The following COL14A1 variants were observed in gnomAD, a reference collection of about 807,000 sequenced individuals.
COL14A1 encodes the protein collagen type XIV alpha 1 chain, also known as collagen alpha-1(XIV) chain.
A neutral mutation model predicts 230.3 loss-of-function variants in COL14A1; 136 were observed. That is an observed-to-expected ratio of 0.59 (90% CI 0.51 to 0.68). The LOEUF (loss-of-function observed/expected upper bound fraction) is 0.68, where lower values mean the gene tolerates loss of function less well. Ranked by LOEUF, COL14A1 falls within the 30% of genes least tolerant of loss-of-function variation. COL14A1 has a pLI of 0.00. For synonymous variants in COL14A1, 792 were observed against 784.1 expected, an observed-to-expected ratio of 1.01 and a Z score of -0.17; for missense variants, 1,976 against 2,215.8, an observed-to-expected ratio of 0.89 and a Z score of 2.17.
intron 45 of COL14A1, among the ~76,000 whole-genome samples, chr8:120,354,942 A>G (rs971462779): frequency 2.0e-5 from 3 of 152,154 alleles, no homozygotes; most frequent in Non-Finnish European, 4.4e-5. Flanking sequence ...ATGGGATGCT[A>G]GTTGGTTACC....
At chr8:120,234,672 T>C (rs6469903) in intron 19 of COL14A1, among the ~76,000 whole-genome samples, 89,064 of 151,650 alleles carry the variant, frequency 0.59, 27,556 homozygotes, top group East Asian at 0.79. Flanking sequence ...CCGCCTTGAT[T>C]GTGGTGGATA....
chr8:120,313,945 C>T lies in COL14A1; in HGVS notation c.4469C>T (p.Pro1490Leu), dbSNP rs140122186. Residue 1490 changes from proline (P) to leucine (L), a missense_variant, in exon 38 of 48, where the codon CCT (proline) becomes CTT (leucine). Physicochemically the swap from Pro to Leu is moderately conservative, Grantham distance 98 (BLOSUM62 -3). Around this residue, in one of 3 missense-constraint regions of COL14A1, gnomAD observed 1,791 missense variants for 2,019.5 expected, o/e 0.89. Transcript: ENST00000297848. ...GEPGPKGPDG[P>L]RGEIGLPGPQ... is the part of the protein sequence containing the mutation. The stretch of plus-strand genomic sequence containing the variant: ...CTTGCCTTCCAGGGACCAGATGGCC[C>T]TCGGGGTGAAATTGGTCTGCCAGGA... 55 of 1,611,752 alleles carry T rather than the reference C, an allele frequency of 3.4e-5. No individual in the cohort carries two copies. Among genetic ancestry groups the T allele is most frequent in the Non-Finnish European group, 4.4e-5 (52 of 1,178,978 alleles).
intron 1 of COL14A1, among the ~76,000 whole-genome samples, chr8:120,127,087 C>G (rs888741047): frequency 1.3e-5 from 2 of 152,302 alleles, no homozygotes; most frequent in Admixed American, 1.3e-4. Context: ...CAGTACCTCC[C>G]CATTTCTCCC....
rs1488421759 is a variant in COL14A1, at chr8:120,315,580, T to A, written c.4599T>A (p.Gly1533=). The A allele has an allele frequency of 1.9e-6, 3 of 1,613,110 alleles. No individual in the cohort carries two copies. The highest frequency in any genetic ancestry group is 2.5e-6 in the Non-Finnish European group (3 of 1,179,388). The change falls in exon 39 of 48, where the codon GGT becomes GGA. Residue 1533 remains glycine, a synonymous_variant. Coordinates refer to ENST00000297848, the MANE Select transcript of COL14A1 (RefSeq NM_021110.4). ...AGAAAGGAGATACTGGCCTTCCAGG[T>A]CCACAGGTATTATTTTTGTTTTTTA... The part of the protein sequence containing the change: ...KGEKGDTGLP[G]PQGIPGGVGS...
intron 19 of COL14A1, chr8:120,231,970 A>G (rs112409415): frequency 6.2e-6 from 1 of 162,514 alleles, no homozygotes; most frequent in Non-Finnish European, 1.3e-5. Context: ...TAAAAGTTTA[A>G]TATAGAAAAT....
chr8:120,341,369 C>T lies in COL14A1; in HGVS notation c.4821+9C>T, dbSNP rs1424128903. ...GGGAACGAGGAGAGCGGGTAAGTAT[C>T]CTGTGGCTCTGCTTTCTGGCCCCAG... On this transcript the variant is annotated intron_variant, in intron 43 of 47. Coordinates refer to ENST00000297848, the MANE Select transcript of COL14A1 (RefSeq NM_021110.4). 1 of 1,613,942 alleles carries T rather than the reference C, an allele frequency of 6.2e-7. No homozygotes were observed. The highest frequency in any genetic ancestry group is 2.2e-5 in the East Asian group (1 of 44,872).
At chr8:120,303,935 T>C (rs193008786) in intron 36 of COL14A1, among the ~76,000 whole-genome samples, 5 of 152,314 alleles carry the variant, frequency 3.3e-5, no homozygotes, top group Non-Finnish European at 5.9e-5. Context: ...ATTGGTCTGT[T>C]CAGGGAATCA....
chr8:120,298,249 G>A (rs945089034), intron 35 of COL14A1, among the ~76,000 whole-genome samples: 3 of 151,808 alleles, frequency 2.0e-5, no homozygotes, highest in Non-Finnish European at 4.4e-5. Context: ...ACTACCTTGA[G>A]CCTGTCATTC....
At chr8:120,315,632 T>G in intron 39 of COL14A1, 46 bp downstream of exon 39, 5 of 1,503,510 alleles carry the variant, frequency 3.3e-6, no homozygotes, top group Non-Finnish European at 4.6e-6. Flanking sequence ...TCTACAACTT[T>G]GCCAAGGGGG....
chr8:120,261,597 C>A lies in COL14A1; in HGVS notation c.2870-1271C>A, dbSNP rs1460232150. Reference sequence around the variant, plus strand: ...AGCAATTTTTCTATGGATGTGGGAACAAAGAAACGAGCCAATAGTTAGTCA... The same window carrying A: ...AGCAATTTTTCTATGGATGTGGGAAAAAAGAAACGAGCCAATAGTTAGTCA... On this transcript the variant is annotated intron_variant, in intron 23 of 47. Transcript: ENST00000297848. Among the ~76,000 whole-genome samples, 3 of 152,186 alleles carry A rather than the reference C, an allele frequency of 2.0e-5. No individual in the cohort carries two copies. The East Asian group carries it at 5.8e-4, about 29-fold the overall frequency.
chr8:120,139,539 C>T (rs768317938), intron 1 of COL14A1, among the ~76,000 whole-genome samples: 7 of 152,180 alleles, frequency 4.6e-5, no homozygotes, highest in Non-Finnish European at 8.8e-5. Flanking sequence ...AGTCCCACAA[C>T]CTTAATGTGA....
intron 5 of COL14A1, among the ~76,000 whole-genome samples, chr8:120,173,547 G>A (rs538018005): frequency 8.4e-5 from 8 of 94,884 alleles, no homozygotes; most frequent in African/African-American, 2.3e-4. Context: ...TCATTCTCTT[G>A]CTCTCTAGCA....
chr8:120,357,084 A>G (rs2130349406), intron 45 of COL14A1, among the ~76,000 whole-genome samples: 1 of 152,354 alleles, frequency 6.6e-6, no homozygotes, highest in African/African-American at 2.4e-5. Flanking sequence ...CTGTGTAACA[A>G]ATTACTTTAA....
chr8:120,141,285 A>G (rs890020209), intron 1 of COL14A1, among the ~76,000 whole-genome samples: 4 of 152,186 alleles, frequency 2.6e-5, no homozygotes, highest in Non-Finnish European at 5.9e-5. Context: ...GCTCATTCCT[A>G]TAATCCCAGT....
intron 40 of COL14A1, among the ~76,000 whole-genome samples, chr8:120,331,602 A>T (rs1362218743): frequency 2.6e-5 from 4 of 152,210 alleles, no homozygotes; most frequent in Non-Finnish European, 4.4e-5. Flanking sequence ...ACACGTGCTC[A>T]TTTGTAAGCC....
intron 22 of COL14A1, among the ~76,000 whole-genome samples, chr8:120,252,446 A>G (rs1489201746): frequency 6.6e-6 from 1 of 152,212 alleles, no homozygotes; most frequent in Non-Finnish European, 1.5e-5. Context: ...ACCAAAATAC[A>G]AGTGGTTTGG....
At chr8:120,332,798 A>C in intron 42 of COL14A1, 63 bp downstream of exon 42, 1 of 1,315,108 alleles carries the variant, frequency 7.6e-7, no homozygotes, top group Non-Finnish European at 1.1e-6. Flanking sequence ...TTATGTGTTT[A>C]AATTTACCAG....
intron 5 of COL14A1, among the ~76,000 whole-genome samples, chr8:120,168,733 A>G (rs1815998898): frequency 6.6e-6 from 1 of 152,206 alleles, no homozygotes; most frequent in South Asian, 2.1e-4. Context: ...TGATATGTGT[A>G]AAATACTTAG....
chr8:120,321,931 G>A (rs1342933580), intron 40 of COL14A1, among the ~76,000 whole-genome samples: 5 of 152,016 alleles, frequency 3.3e-5, no homozygotes, highest in Non-Finnish European at 7.4e-5. Context: ...TAACCAGCTA[G>A]GTTTTGGAAT....
Sources: gnomAD v4.1 joint callset for allele counts (sites outside exome capture counted in the v4.1 genomes callset) on GRCh38, gnomAD v4.1.1 for gene constraint, gnomAD v4.1.1 regional missense constraint, MANE v1.5 for transcripts, NCBI Gene and HGNC (gene_info 2026-07-23, HGNC 2026-07-21) for gene names.